Variants in THRB observed in about 807,000 individuals in gnomAD.
THRB encodes the protein thyroid hormone receptor beta.
Under a neutral mutation model 47.8 loss-of-function variants are expected in THRB, and 12 were observed. The ratio of observed to expected loss-of-function variants is 0.25; its 90% CI spans 0.16 to 0.41. The LOEUF (loss-of-function observed/expected upper bound fraction) is 0.41, where lower values mean the gene tolerates loss of function less well. THRB is among the 10% of genes least tolerant of loss of function. The pLI is 1.00. For missense variants in THRB, 348 were observed against 589.2 expected, an observed-to-expected ratio of 0.59 and a Z score of 4.24; for synonymous variants, 218 against 212.2, an observed-to-expected ratio of 1.03 and a Z score of -0.24.
chr3:24,432,752 C>T (rs1028128612), intron 1 of THRB, among the ~76,000 whole-genome samples: 2 of 151,680 alleles, frequency 1.3e-5, no homozygotes, highest in African/African-American at 4.8e-5. Context: ...GAGTGGCTCC[C>T]CACTGCCAAT....
intron 4 of THRB, among the ~76,000 whole-genome samples, chr3:24,194,288 A>C (rs1044818030): frequency 1.3e-5 from 2 of 152,082 alleles, no homozygotes; most frequent in African/African-American, 4.8e-5. Context: ...AAAAATTAAA[A>C]ATAAAAGCCT....
At chr3:24,258,536 A>G (rs1174204209) in intron 3 of THRB, among the ~76,000 whole-genome samples, 2 of 151,942 alleles carry the variant, frequency 1.3e-5, no homozygotes, top group South Asian at 2.1e-4. Flanking sequence ...TAATCATCTC[A>G]CCTATGATAG....
chr3:24,279,073 G>A (rs1051463250), intron 3 of THRB, among the ~76,000 whole-genome samples: 6 of 152,088 alleles, frequency 3.9e-5, no homozygotes, highest in Non-Finnish European at 8.8e-5. Flanking sequence ...TTGAACTCCC[G>A]GCTTCAAGTA....
intron 2 of THRB, among the ~76,000 whole-genome samples, chr3:24,316,252 T>C (rs2058104281): frequency 6.6e-6 from 1 of 152,200 alleles, no homozygotes; most frequent in Admixed American, 6.5e-5. Flanking sequence ...AAAACAAAAT[T>C]TGGCTGAGCA....
At chr3:24,164,553 G>A (rs2039362229) in intron 5 of THRB, among the ~76,000 whole-genome samples, 1 of 152,126 alleles carries the variant, frequency 6.6e-6, no homozygotes, top group South Asian at 2.1e-4. Context: ...GTATAGTACT[G>A]TTAAAGAAAT....
At chr3:24,127,374 C>G in intron 10 of THRB, 125 bp downstream of exon 10, 1 of 1,044,156 alleles carries the variant, frequency 9.6e-7, no homozygotes, top group Non-Finnish European at 1.4e-6. Flanking sequence ...CCTGCAATTT[C>G]TTACTGAAGA....
intron 1 of THRB, chr3:24,458,442 A>G (rs575163823): frequency 1.3e-5 from 2 of 152,346 alleles, no homozygotes; most frequent in South Asian, 4.1e-4. Flanking sequence ...TGAAGATTTA[A>G]AAAAAGAAGG....
chr3:24,250,097 A>T (rs1169794636), intron 3 of THRB, among the ~76,000 whole-genome samples: 1 of 152,222 alleles, frequency 6.6e-6, no homozygotes, highest in African/African-American at 2.4e-5. Flanking sequence ...CAAAATTCAT[A>T]GTTATAAGAA....
chr3:24,444,578 A>C (rs930584186), intron 1 of THRB, among the ~76,000 whole-genome samples: 1 of 152,226 alleles, frequency 6.6e-6, no homozygotes, highest in Non-Finnish European at 1.5e-5. Flanking sequence ...CATAATTTGC[A>C]CATAATTCTA....
chr3:24,339,830 C>T (rs114890504), intron 1 of THRB, among the ~76,000 whole-genome samples: 124 of 152,320 alleles, frequency 8.1e-4, no homozygotes, highest in African/African-American at 2.9e-3. Context: ...GTTTTGTTTA[C>T]ACAAGACTCA....
chr3:24,433,956 G>T (rs2125313323), intron 1 of THRB, among the ~76,000 whole-genome samples: 1 of 152,244 alleles, frequency 6.6e-6, no homozygotes, highest in East Asian at 1.9e-4. Flanking sequence ...AGGCTTGATT[G>T]TTCCAGCTCT....
intron 6 of THRB, among the ~76,000 whole-genome samples, chr3:24,152,160 T>C (rs1356076993): frequency 2.0e-5 from 3 of 152,176 alleles, no homozygotes; most frequent in Non-Finnish European, 2.9e-5. Context: ...CTTGCAGAAG[T>C]AAAGAAACCA....
intron 6 of THRB, 113 bp downstream of exon 6, chr3:24,152,277 A>ATGTT: frequency 1.5e-6 from 1 of 672,596 alleles, no homozygotes; most frequent in Non-Finnish European, 2.8e-6. Flanking sequence ...CAGACCATGG[A>ATGTT]TGTTAGAATT....
intron 1 of THRB, among the ~76,000 whole-genome samples, chr3:24,355,656 T>A (rs1317744785): frequency 3.9e-5 from 6 of 152,142 alleles, no homozygotes; most frequent in South Asian, 2.1e-4. Flanking sequence ...TTCTACACTG[T>A]AATTCCTTCC....
intron 1 of THRB, among the ~76,000 whole-genome samples, chr3:24,468,609 G>A (rs2074329466): frequency 6.6e-6 from 1 of 152,144 alleles, no homozygotes; most frequent in African/African-American, 2.4e-5. Context: ...ACAGATGGAG[G>A]ATCACTGAGT....
chr3:24,289,937 T>G (rs77559796), intron 3 of THRB, among the ~76,000 whole-genome samples: 2,006 of 152,284 alleles, frequency 0.013, 42 homozygotes, highest in African/African-American at 0.045. Context: ...AGGCCTCCAG[T>G]GTCTTTCATG....
chr3:24,145,759 A>G (rs2036001308), intron 7 of THRB, among the ~76,000 whole-genome samples: 1 of 152,136 alleles, frequency 6.6e-6, no homozygotes, highest in African/African-American at 2.4e-5. Flanking sequence ...AATGTGAGTC[A>G]TGATTACTTC....
chr3:24,223,256 T>G (rs1200447805), intron 4 of THRB, among the ~76,000 whole-genome samples: 1 of 151,282 alleles, frequency 6.6e-6, no homozygotes, highest in South Asian at 2.1e-4. Flanking sequence ...AATGCAAGTG[T>G]TAAAGGTAAG....
At chr3:24,215,485 T>C (rs910048603) in intron 4 of THRB, among the ~76,000 whole-genome samples, 2 of 152,154 alleles carry the variant, frequency 1.3e-5, no homozygotes, top group Non-Finnish European at 2.9e-5. Context: ...AAACAGACCA[T>C]CCTACCCCTG....
Sources: allele counts gnomAD v4.1 joint callset (sites outside exome capture counted in the v4.1 genomes callset), GRCh38; gene constraint gnomAD v4.1.1; transcripts MANE v1.5; gene names NCBI Gene and HGNC (gene_info 2026-07-23, HGNC 2026-07-21).